Variants in IKBKB-DT observed in about 807,000 individuals in gnomAD.
The protein encoded by IKBKB-DT is IKBKB divergent transcript.
chr8:42,258,670 A>G (rs1482488907), intron 3 of IKBKB-DT, among the ~76,000 whole-genome samples: 9 of 151,952 alleles, frequency 5.9e-5, no homozygotes, highest in African/African-American at 1.7e-4. Flanking sequence ...GGGTTTCACC[A>G]TGTTAGCCAG....
At chr8:42,256,424 T>G (rs1361706209) in intron 3 of IKBKB-DT, among the ~76,000 whole-genome samples, 1 of 136,638 alleles carries the variant, frequency 7.3e-6, no homozygotes, top group African/African-American at 3.0e-5. Context: ...AAAAAAAAAA[T>G]AGCTGTGGGT....
intron 3 of IKBKB-DT, among the ~76,000 whole-genome samples, chr8:42,240,547 C>T (rs1004981671): frequency 2.1e-5 from 3 of 144,442 alleles, no homozygotes; most frequent in Non-Finnish European, 4.5e-5. Context: ...ATGGTGTGAA[C>T]CCGGGAGGTA....
At chr8:42,266,144 C>T (rs1033454482) in exon 2 of IKBKB-DT, 1 of 152,234 alleles carries the variant, frequency 6.6e-6, no homozygotes, top group African/African-American at 2.4e-5. Flanking sequence ...AGAAGCAAGT[C>T]CTGACCTGCA....
At chr8:42,269,977 T>C (rs1807519183) in intron 1 of IKBKB-DT, among the ~76,000 whole-genome samples, 1 of 152,220 alleles carries the variant, frequency 6.6e-6, no homozygotes, top group South Asian at 2.1e-4. Flanking sequence ...TTCAACCTAA[T>C]ATTGCCTAAA....
At chr8:42,255,898 C>T (rs971373888) in intron 3 of IKBKB-DT, among the ~76,000 whole-genome samples, 1 of 151,742 alleles carries the variant, frequency 6.6e-6, no homozygotes, top group Non-Finnish European at 1.5e-5. Context: ...TGGTGGCGGG[C>T]ACCTGTAATC....
At chr8:42,239,594 C>G (rs1372440641) in intron 3 of IKBKB-DT, among the ~76,000 whole-genome samples, 1 of 58,420 alleles carries the variant, frequency 1.7e-5, no homozygotes, top group Middle Eastern at 9.8e-3. Flanking sequence ...ATGAGCCAAC[C>G]AATTTTTGTA....
intron 3 of IKBKB-DT, among the ~76,000 whole-genome samples, chr8:42,243,702 T>C (rs552690174): frequency 6.6e-6 from 1 of 152,236 alleles, no homozygotes; most frequent in Non-Finnish European, 1.5e-5. Context: ...CGGACAGTAC[T>C]CACAGGAACC....
intron 1 of IKBKB-DT, among the ~76,000 whole-genome samples, chr8:42,268,912 T>C (rs570674452): frequency 8.5e-5 from 13 of 152,208 alleles, no homozygotes; most frequent in Admixed American, 5.9e-4. Context: ...CAAACACTTA[T>C]ATTGCACTTA....
intron 3 of IKBKB-DT, chr8:42,249,350 C>G (rs1218309664): frequency 6.6e-6 from 1 of 151,800 alleles, no homozygotes; most frequent in Non-Finnish European, 1.5e-5. Flanking sequence ...GCCTGGGCGA[C>G]AGAGCAGGCC....
intron 3 of IKBKB-DT, among the ~76,000 whole-genome samples, chr8:42,248,717 G>A (rs1807092417): frequency 6.6e-6 from 1 of 151,730 alleles, no homozygotes; most frequent in African/African-American, 2.4e-5. Flanking sequence ...TGTCTCTACT[G>A]AAAATACAAA....
At chr8:42,241,391 CTG>C (rs1807002262) in intron 3 of IKBKB-DT, among the ~76,000 whole-genome samples, 2 of 151,640 alleles carry the variant, frequency 1.3e-5, no homozygotes, top group Admixed American at 1.3e-4. Context: ...AGGTTATTGT[CTG>C]TGTCTTTAAG....
At chr8:42,267,365 A>G (rs563628235) in intron 1 of IKBKB-DT, among the ~76,000 whole-genome samples, 1 of 152,282 alleles carries the variant, frequency 6.6e-6, no homozygotes, top group Admixed American at 6.5e-5. Flanking sequence ...CGCGAGATCC[A>G]AGAACCCTCT....
intron 3 of IKBKB-DT, among the ~76,000 whole-genome samples, chr8:42,252,493 A>ACACCGG (rs1807141654): frequency 6.6e-6 from 1 of 152,160 alleles, no homozygotes; most frequent in Non-Finnish European, 1.5e-5. Context: ...CACCTCACTA[A>ACACCGG]TAGCTGGGAC....
At chr8:42,247,468 AG>A (rs1807077785) in intron 3 of IKBKB-DT, among the ~76,000 whole-genome samples, 2 of 152,190 alleles carry the variant, frequency 1.3e-5, no homozygotes, top group African/African-American at 2.4e-5. Context: ...GCCTAATCTC[AG>A]ATGAGACTTT....
At chr8:42,263,309 G>C (rs906698035) in intron 3 of IKBKB-DT, 1 of 152,094 alleles carries the variant, frequency 6.6e-6, no homozygotes, top group African/African-American at 2.4e-5. Context: ...CACCACACCC[G>C]GCCGACACCA....
chr8:42,261,868 G>C (rs1807293555), intron 3 of IKBKB-DT, among the ~76,000 whole-genome samples: 1 of 152,192 alleles, frequency 6.6e-6, no homozygotes, highest in South Asian at 2.1e-4. Context: ...CCCTGACCTG[G>C]TGGTTGGCTG....
intron 3 of IKBKB-DT, among the ~76,000 whole-genome samples, chr8:42,236,238 C>T (rs1806920224): frequency 6.6e-6 from 1 of 151,728 alleles, no homozygotes; most frequent in South Asian, 2.1e-4. Context: ...TGGCCTCCAG[C>T]AATCCACCCA....
intron 3 of IKBKB-DT, chr8:42,249,425 G>T (rs922787232): frequency 6.7e-6 from 1 of 148,474 alleles, no homozygotes; most frequent in Admixed American, 6.6e-5. Context: ...ATATGTGTGT[G>T]TGTGTGTGTG....
chr8:42,247,569 T>C (rs1462367608), intron 3 of IKBKB-DT, among the ~76,000 whole-genome samples: 2 of 152,116 alleles, frequency 1.3e-5, no homozygotes, highest in African/African-American at 4.8e-5. Context: ...CCATGAGATT[T>C]GGGAGGGGCC....
Sources: allele counts gnomAD v4.1 joint callset (sites outside exome capture counted in the v4.1 genomes callset), GRCh38; gene constraint gnomAD v4.1.1; transcripts MANE v1.5; gene names NCBI Gene and HGNC (gene_info 2026-07-23, HGNC 2026-07-21).